Variants in CDC14A observed in about 807,000 individuals in gnomAD.
The protein encoded by CDC14A is cell division cycle 14A, also known as dual specificity protein phosphatase CDC14A.
CDC14A carries 53 observed loss-of-function variants against 74.4 expected under a neutral mutation model. The ratio of observed to expected loss-of-function variants is 0.71; its 90% CI spans 0.57 to 0.89. The LOEUF is 0.89. CDC14A is among the 40% of genes least tolerant of loss of function. CDC14A has a pLI of 0.00. For missense variants in CDC14A, 646 were observed against 713.7 expected (o/e 0.91, Z 1.08); for synonymous variants, 247 against 258.4 (o/e 0.96, Z 0.43).
intron 10 of CDC14A, among the ~76,000 whole-genome samples, chr1:100,478,389 A>G (rs1669131337): frequency 1.3e-5 from 2 of 152,030 alleles, no homozygotes; most frequent in South Asian, 4.2e-4. Flanking sequence ...GATAACCTAT[A>G]TCACAGATAG....
chr1:100,484,024 G>C (rs1035633662), intron 10 of CDC14A, among the ~76,000 whole-genome samples: 1 of 152,134 alleles, frequency 6.6e-6, no homozygotes, highest in East Asian at 1.9e-4. Context: ...TGTGGAATTT[G>C]TTCTAAGCAT....
chr1:100,509,743 G>A (rs1450161039), intron 15 of CDC14A, among the ~76,000 whole-genome samples: 1 of 152,224 alleles, frequency 6.6e-6, no homozygotes, highest in Non-Finnish European at 1.5e-5. Flanking sequence ...CTCCTTGATA[G>A]TGAATGTCTA....
At chr1:100,432,971 T>G (rs1207403537) in intron 5 of CDC14A, among the ~76,000 whole-genome samples, 1 of 152,190 alleles carries the variant, frequency 6.6e-6, no homozygotes, top group African/African-American at 2.4e-5. Context: ...CACTGCAGTC[T>G]TGAACTCCTG....
chr1:100,421,050 G>A (rs556448561), intron 4 of CDC14A, among the ~76,000 whole-genome samples: 22 of 152,270 alleles, frequency 1.4e-4, no homozygotes, highest in African/African-American at 5.1e-4. Context: ...CTTGGCAAAA[G>A]TAGGGCAATT....
intron 15 of CDC14A, among the ~76,000 whole-genome samples, chr1:100,506,033 G>A (rs1446425936): frequency 6.6e-6 from 1 of 152,018 alleles, no homozygotes; most frequent in East Asian, 1.9e-4. Context: ...TTACTGGGAG[G>A]ACAGCACAAA....
At chr1:100,475,245 T>C (rs1308114120) in intron 10 of CDC14A, among the ~76,000 whole-genome samples, 1 of 152,236 alleles carries the variant, frequency 6.6e-6, no homozygotes, top group Non-Finnish European at 1.5e-5. Flanking sequence ...CTAAACTTTC[T>C]GTTTGGTTTT....
chr1:100,375,179 A>G (rs988720859), intron 2 of CDC14A, among the ~76,000 whole-genome samples: 1 of 152,092 alleles, frequency 6.6e-6, no homozygotes, highest in African/African-American at 2.4e-5. Context: ...AAAGGAGGAC[A>G]CTCTAGACAA....
chr1:100,481,474 A>G (rs1669466508), intron 10 of CDC14A, among the ~76,000 whole-genome samples: 1 of 152,194 alleles, frequency 6.6e-6, no homozygotes, highest in Non-Finnish European at 1.5e-5. Flanking sequence ...TAACAGTGTG[A>G]CTGACTTGAA....
Position 100,353,119 on chromosome 1 carries a change from G to C in CDC14A, c.49+116G>C, listed in dbSNP as rs1248153670. The C allele has an allele frequency of 5.3e-6, 6 of 1,128,926 alleles. 1 individual carries two copies. The highest frequency in any genetic ancestry group is 3.9e-5 in the South Asian group (3 of 76,682). 69.9% of individuals were successfully genotyped at this position (1,128,926 alleles called of 1,614,324 possible). ...CCAGTGTCCTGCAGCCGCTGCGCGC[G>C]CTCTCGTCCCCTCTAGGGACTCTCC... is the stretch of plus-strand genomic sequence containing the variant. On this transcript the variant is annotated intron_variant, in intron 1 of 15. Transcript: ENST00000336454.
chr1:100,443,201 C>CTA, intron 7 of CDC14A: 1 of 489,334 alleles, frequency 2.0e-6, no homozygotes, highest in Non-Finnish European at 3.6e-6. Context: ...AACAACATAT[C>CTA]TATATATATT....
chr1:100,438,499 T>G (rs767316175), intron 5 of CDC14A, among the ~76,000 whole-genome samples: 2 of 152,198 alleles, frequency 1.3e-5, no homozygotes, highest in Non-Finnish European at 2.9e-5. Flanking sequence ...GCATAGCCCA[T>G]TAAAATTTGC....
intron 4 of CDC14A, among the ~76,000 whole-genome samples, chr1:100,396,534 T>C (rs1658511970): frequency 6.6e-6 from 1 of 152,188 alleles, no homozygotes; most frequent in South Asian, 2.1e-4. Flanking sequence ...ACCAGAATAT[T>C]TGTAGTCATG....
intron 2 of CDC14A, among the ~76,000 whole-genome samples, chr1:100,368,565 T>C (rs901608067): frequency 1.3e-5 from 2 of 152,242 alleles, no homozygotes; most frequent in East Asian, 3.8e-4. Flanking sequence ...GAAACTGGAA[T>C]TTGATGACGA....
At chr1:100,504,190 A>C (rs1166281732) in intron 15 of CDC14A, among the ~76,000 whole-genome samples, 1 of 152,244 alleles carries the variant, frequency 6.6e-6, no homozygotes, top group Non-Finnish European at 1.5e-5. Context: ...TTTAATAATA[A>C]AACTATACAA....
upstream of CDC14A, among the ~76,000 whole-genome samples, chr1:100,349,825 G>A (rs562292678): frequency 2.0e-5 from 3 of 152,182 alleles, no homozygotes; most frequent in South Asian, 6.2e-4. Flanking sequence ...ACCACATCTG[G>A]CTAATTTTTT....
In CDC14A at chr1:100,464,853, T is replaced by C. The variant is rs369383554; in HGVS notation, c.838+1972T>C. On this transcript the variant is annotated intron_variant, in intron 9 of 15. Transcript: ENST00000336454. The stretch of plus-strand genomic sequence containing the variant: ...ATTACAGATATTTTCTCTATATCCT[T>C]GACCTGTGAATGTTTACCTTTTAAA... Among the ~76,000 whole-genome samples the C allele has an allele frequency of 1.8e-4, 27 of 152,302 alleles. 1 individual carries two copies. Among genetic ancestry groups the C allele is most frequent in the African/African-American group, 6.0e-4 (25 of 41,594 alleles).
intron 2 of CDC14A, among the ~76,000 whole-genome samples, chr1:100,367,715 T>C (rs1369043675): frequency 6.6e-6 from 1 of 152,206 alleles, no homozygotes; most frequent in Non-Finnish European, 1.5e-5. Flanking sequence ...ATTTTTTTAG[T>C]GTAACTTGAA....
chr1:100,467,071 G>T (rs1173322567), intron 9 of CDC14A, among the ~76,000 whole-genome samples: 2 of 151,816 alleles, frequency 1.3e-5, no homozygotes, highest in African/African-American at 4.9e-5. Flanking sequence ...GAGGCTCCTG[G>T]AAGGAACAAT....
At chr1:100,363,609 C>G (rs1570958813) in intron 2 of CDC14A, among the ~76,000 whole-genome samples, 1 of 145,398 alleles carries the variant, frequency 6.9e-6, no homozygotes, top group Non-Finnish European at 1.5e-5. Context: ...CCAGTTTAGA[C>G]TTCTCTTTTT....
Sources: gnomAD v4.1 joint callset for allele counts (sites outside exome capture counted in the v4.1 genomes callset) on GRCh38, gnomAD v4.1.1 for gene constraint, MANE v1.5 for transcripts, NCBI Gene and HGNC (gene_info 2026-07-23, HGNC 2026-07-21) for gene names.